The following C11orf54 variants were observed in gnomAD, a reference collection of about 807,000 sequenced individuals.
C11orf54 encodes beta-keto L-gulonate decarboxylase.
C11orf54 carries 29 observed loss-of-function variants against 35.5 expected under a neutral mutation model. The observed-to-expected ratio is 0.82, with a 90% CI of 0.61 to 1.11. The LOEUF is 1.11. C11orf54 is among the 50% of genes most tolerant of loss of function. The pLI, the probability that C11orf54 is intolerant of heterozygous loss-of-function variation, is 0.00. For synonymous variants in C11orf54, 108 were observed against 121.1 expected, an observed-to-expected ratio of 0.89 and a Z score of 0.71; for missense variants, 373 against 369.2, an observed-to-expected ratio of 1.01 and a Z score of -0.08.
At chr11:93,747,551 A>G (rs200263215) in intron 2 of C11orf54, 103 bp downstream of exon 2, 332 of 658,764 alleles carry the variant, frequency 5.0e-4, no homozygotes, top group Middle Eastern at 8.8e-4. Flanking sequence ...ATGTATATCT[A>G]TATCTTACTT....
intron 2 of C11orf54, 94 bp from the exon 3 acceptor site, chr11:93,750,252 A>C (rs1372290204): frequency 1.2e-6 from 1 of 840,390 alleles, no homozygotes; most frequent in East Asian, 2.5e-5. Flanking sequence ...ACAAGTTGAG[A>C]TTGGGAGTGT....
intron 6 of C11orf54, among the ~76,000 whole-genome samples, chr11:93,755,678 G>A (rs1266829036): frequency 2.0e-5 from 3 of 151,036 alleles, no homozygotes; most frequent in Admixed American, 6.6e-5. Context: ...GCTCAGACTC[G>A]GAAGGCAGAG....
chr11:93,757,279 G>A, intron 6 of C11orf54, 37 bp from the exon 7 acceptor site: 1 of 1,569,302 alleles, frequency 6.4e-7, no homozygotes, highest in Non-Finnish European at 8.6e-7. Context: ...TTATTTTGCA[G>A]CATAGTCAAT....
intron 2 of C11orf54, 123 bp from the exon 3 acceptor site, chr11:93,750,223 C>T (rs1942741077): frequency 1.5e-6 from 1 of 661,950 alleles, no homozygotes; most frequent in South Asian, 2.0e-5. Flanking sequence ...AAGACCATTT[C>T]CCCCTTCTTT....
rs185149456 is a variant in C11orf54 at position 93,750,320 on chromosome 11, A to G, written c.56-26A>G. 3 of 1,597,246 alleles carry G rather than the reference A, an allele frequency of 1.9e-6. No individual in the cohort carries two copies. In the East Asian group the frequency reaches 6.7e-5, roughly 36 times the overall value. The stretch of plus-strand genomic sequence containing the variant: ...TAGCCAAGTTTTTACCTAATGTTAA[A>G]TAATCTTATTCCTTGTCTTTATTAG... On this transcript the variant is annotated intron_variant, in intron 2 of 8. Transcript: ENST00000354421.
chr11:93,761,565 A>AG lies in C11orf54; in HGVS notation c.827dup (p.Gly277TrpfsTer6), dbSNP rs1349312063. 6.2e-7 allele frequency: 1 copy of AG among 1,611,972 alleles called. No homozygotes were observed. The highest frequency in any genetic ancestry group is 8.5e-7 in the Non-Finnish European group (1 of 1,179,240). On this transcript the variant is annotated frameshift_variant, in exon 9 of 9. Coordinates refer to ENST00000354421, the MANE Select transcript of C11orf54 (RefSeq NM_001286069.2). LOFTEE classifies it high-confidence loss of function. ...CTCATTTTTTTAGTCGTCATGGAGA[A>AG]GGTGGACACTACCATTATGACACTA...
intron 8 of C11orf54, 49 bp downstream of exon 8, chr11:93,759,907 T>C (rs1943367184): frequency 8.9e-7 from 1 of 1,123,546 alleles, no homozygotes; most frequent in Non-Finnish European, 1.3e-6. Context: ...TAATGCTTGA[T>C]TTTTAGGATA....
At chr11:93,759,532 A>G (rs1359094900) in intron 7 of C11orf54, among the ~76,000 whole-genome samples, 1 of 152,144 alleles carries the variant, frequency 6.6e-6, no homozygotes, top group Admixed American at 6.6e-5. Context: ...GCATTAGGAG[A>G]AATACCTAAT....
At chr11:93,751,842 TTG>T (rs1242748223) in intron 3 of C11orf54, among the ~76,000 whole-genome samples, 5 of 138,384 alleles carry the variant, frequency 3.6e-5, no homozygotes, top group South Asian at 2.3e-4. Context: ...TTTTTTTTTT[TTG>T]TGTGTGTGTG....
In C11orf54 at chr11:93,753,663, T is replaced by C. The variant is rs775059295; in HGVS notation, c.155-19T>C. 1.7e-5 allele frequency: 28 copies of C among 1,612,480 alleles called. No homozygotes were observed. Among genetic ancestry groups the C allele is most frequent in the Non-Finnish European group, 2.3e-5 (27 of 1,179,350 alleles). ...GTTTTTAAGGTGGCTTGTGTTTTTG[T>C]TTTTTGGTTTTTTCTTAGGCATCTG... On this transcript the variant is annotated intron_variant, in intron 3 of 8. Transcript: ENST00000354421.
chr11:93,755,145 CATT>C (rs1943062292), intron 5 of C11orf54, 62 bp from the exon 6 acceptor site: 1 of 1,476,350 alleles, frequency 6.8e-7, no homozygotes, highest in Admixed American at 1.9e-5. Flanking sequence ...TGTTTTGTAA[CATT>C]ATTCAAGATA....
At chr11:93,756,019 TAGAC>T (rs2135646563) in intron 6 of C11orf54, among the ~76,000 whole-genome samples, 1 of 151,694 alleles carries the variant, frequency 6.6e-6, no homozygotes, top group East Asian at 2.0e-4. Context: ...ATACAAAAAT[TAGAC>T]AGGGAAGGTG....
chr11:93,761,816 TC>T lies in C11orf54; in HGVS notation c.*131del. On this transcript the variant is annotated 3_prime_UTR_variant, in exon 9 of 9. Coordinates refer to ENST00000354421, the MANE Select transcript of C11orf54 (RefSeq NM_001286069.2). Reference sequence around the variant, plus strand: ...CAGGCACAATGGCTCATGCCTATAATCCCAGCACTTTGGGAGGCTGAGGCAG... The same window carrying T: ...CAGGCACAATGGCTCATGCCTATAATCCAGCACTTTGGGAGGCTGAGGCAG... The T allele has an allele frequency of 1.1e-6, 1 of 908,870 alleles. No individual in the cohort carries two copies. Among genetic ancestry groups the T allele is most frequent in the Non-Finnish European group, 1.5e-6 (1 of 668,158 alleles). The allele number at this position is 908,870 out of a possible 1,614,324, so 56.3% of individuals were successfully genotyped here. A position where few individuals can be genotyped will look rare whatever the true frequency, so the allele number is the denominator to read the frequency against.
chr11:93,745,260 T>C (rs1356116605), intron 1 of C11orf54, among the ~76,000 whole-genome samples: 1 of 152,108 alleles, frequency 6.6e-6, no homozygotes, highest in East Asian at 1.9e-4. Context: ...GGGGGACGGT[T>C]AGGTCTTTCC....
chr11:93,743,460 G>C (rs1026818223), intron 1 of C11orf54, among the ~76,000 whole-genome samples: 2 of 152,308 alleles, frequency 1.3e-5, no homozygotes, highest in South Asian at 2.1e-4. Context: ...CTCGCGGGAG[G>C]GGGGGCGCGA....
At chr11:93,756,550 T>C (rs914488167) in intron 6 of C11orf54, among the ~76,000 whole-genome samples, 1 of 149,740 alleles carries the variant, frequency 6.7e-6, no homozygotes, top group African/African-American at 2.5e-5. Flanking sequence ...TAAAAGGTAA[T>C]AGAATATTAA....
In C11orf54 at chr11:93,761,554, C is replaced by G; in HGVS notation, c.814C>G (p.Arg272Gly). 6.2e-7 allele frequency: 1 copy of G among 1,610,088 alleles called. No homozygotes were observed. Among genetic ancestry groups the G allele is most frequent in the South Asian group, 1.1e-5 (1 of 90,214 alleles). ...ACTGGAGCACACTCATTTTTTTAGT[C>G]GTCATGGAGAAGGTGGACACTACCA... ...LRLEHTHFFS[R>G]HGEGGHYHYD... Residue 272 changes from arginine (R) to glycine (G), a missense_variant, in exon 9 of 9, where the codon CGT (arginine) becomes GGT (glycine). Arg to Gly is a moderately radical substitution (Grantham distance 125, BLOSUM62 -2). Transcript: ENST00000354421.
chr11:93,743,490 G>T (rs1177572271), intron 1 of C11orf54, among the ~76,000 whole-genome samples: 2 of 152,180 alleles, frequency 1.3e-5, no homozygotes, highest in East Asian at 3.9e-4. Flanking sequence ...GCGGGAACTG[G>T]AGTGCTGGAA....
intron 6 of C11orf54, among the ~76,000 whole-genome samples, chr11:93,756,068 G>A (rs1016902547): frequency 6.6e-6 from 1 of 150,376 alleles, no homozygotes; most frequent in Non-Finnish European, 1.5e-5. Context: ...TTGGGAGGCT[G>A]AGGCAGGAGA....
Sources: allele counts gnomAD v4.1 joint callset (sites outside exome capture counted in the v4.1 genomes callset), GRCh38; gene constraint gnomAD v4.1.1; transcripts MANE v1.5; gene names NCBI Gene and HGNC (gene_info 2026-07-23, HGNC 2026-07-21).